Variants in TYW1B observed in about 807,000 individuals in gnomAD.
The protein encoded by TYW1B is S-adenosyl-L-methionine-dependent tRNA 4-demethylwyosine synthase TYW1B.
A neutral mutation model predicts 86.9 loss-of-function variants in TYW1B; 73 were observed. The ratio of observed to expected loss-of-function variants is 0.84; its 90% CI spans 0.70 to 1.02. The LOEUF (loss-of-function observed/expected upper bound fraction) is 1.02. TYW1B is among the 50% of genes least tolerant of loss of function. The pLI is 0.00. For synonymous variants in TYW1B, 248 were observed against 292.8 expected, an observed-to-expected ratio of 0.85 and a Z score of 1.56; for missense variants, 637 against 827.4, an observed-to-expected ratio of 0.77 and a Z score of 2.82.
intron 6 of TYW1B, among the ~76,000 whole-genome samples, chr7:72,783,489 C>T (rs550176318): frequency 3.3e-5 from 5 of 151,566 alleles, no homozygotes; most frequent in African/African-American, 4.8e-5. Context: ...AAAGGAGTCA[C>T]GGTAAAAAAA....
At chr7:72,690,405 A>G (rs1231582923) in intron 11 of TYW1B, among the ~76,000 whole-genome samples, 8 of 152,234 alleles carry the variant, frequency 5.3e-5, no homozygotes, top group Non-Finnish European at 1.0e-4. Context: ...TAGCCCACAT[A>G]CTCAAGTACC....
rs1185129844 is a variant in TYW1B at position 72,815,454 on chromosome 7, C to T, written c.163G>A (p.Val55Ile). ...QGFATVLAEA[V>I]TSLDLPVAII... ...GCCACAGGCAGATCCAGGGACGTAA[C>T]TGCTTCAGCAAGAACTGTTGCAAAT... is the stretch of plus-strand genomic sequence containing the variant. Residue 55 changes from valine to isoleucine, a missense_variant, in exon 3 of 14, where the codon GTT becomes ATT. Coordinates refer to ENST00000620995, the MANE Select transcript of TYW1B (RefSeq NM_001145440.3). 4.3e-6 allele frequency: 7 copies of T among 1,609,850 alleles called. No homozygotes were observed. Among genetic ancestry groups the T allele is most frequent in the Admixed American group, 1.7e-5 (1 of 58,816 alleles).
intron 7 of TYW1B, among the ~76,000 whole-genome samples, chr7:72,764,174 A>G (rs1241940552): frequency 6.6e-6 from 1 of 152,220 alleles, no homozygotes; most frequent in Non-Finnish European, 1.5e-5. Context: ...GATCTTAACC[A>G]TGGCTTTCCT....
intron 13 of TYW1B, among the ~76,000 whole-genome samples, chr7:72,588,816 CTTT>C (rs200351946): frequency 7.0e-6 from 1 of 143,596 alleles, no homozygotes. Context: ...AAGACTTGCA[CTTT>C]TTTTTTTTTT....
At chr7:72,783,259 G>A (rs528277941) in intron 6 of TYW1B, among the ~76,000 whole-genome samples, 5 of 151,764 alleles carry the variant, frequency 3.3e-5, no homozygotes, top group African/African-American at 4.8e-5. Context: ...TTAGCCGGGC[G>A]TGGTGGCATG....
At position 72,616,894 on chromosome 7, in the gene TYW1B, G is replaced by A. The variant is rs1812090912; in HGVS notation, c.1618-55C>T. 6.3e-6 allele frequency: 10 copies of A among 1,597,770 alleles called. No individual in the cohort carries two copies. In the South Asian group the frequency reaches 7.8e-5, roughly 12 times the overall value. On this transcript the variant is annotated intron_variant, in intron 12 of 13. Coordinates refer to ENST00000620995, the MANE Select transcript of TYW1B (RefSeq NM_001145440.3). Reference sequence around the variant, plus strand: ...ACTACAGACCTACCTGCATGTCATAGAAGACTTTCAGAGCCGGAAAGCCTT... The same window carrying A: ...ACTACAGACCTACCTGCATGTCATAAAAGACTTTCAGAGCCGGAAAGCCTT...
chr7:72,739,368 G>A (rs1480826277), intron 8 of TYW1B, among the ~76,000 whole-genome samples: 1 of 152,036 alleles, frequency 6.6e-6, no homozygotes, highest in African/African-American at 2.4e-5. Flanking sequence ...CACTTTGGGA[G>A]GCCAAGGAGG....
chr7:72,709,846 CCCT>C (rs1786603126), intron 10 of TYW1B, among the ~76,000 whole-genome samples: 1 of 152,098 alleles, frequency 6.6e-6, no homozygotes, highest in African/African-American at 2.4e-5. Flanking sequence ...CTTTTTGTCT[CCCT>C]CCTCATTTCC....
chr7:72,586,728 C>T (rs1167756733), intron 13 of TYW1B, among the ~76,000 whole-genome samples: 10 of 150,136 alleles, frequency 6.7e-5, no homozygotes, highest in South Asian at 4.3e-4. Context: ...CAGAGTGAGA[C>T]GCCCATCTCA....
At chr7:72,814,453 G>A (rs1170109711) in intron 3 of TYW1B, among the ~76,000 whole-genome samples, 9 of 151,986 alleles carry the variant, frequency 5.9e-5, no homozygotes, top group South Asian at 2.1e-4. Flanking sequence ...GCGTGGTGGC[G>A]TGTGCCTGTA....
chr7:72,651,938 G>A (rs556006891), intron 11 of TYW1B, among the ~76,000 whole-genome samples: 3 of 152,258 alleles, frequency 2.0e-5, no homozygotes, highest in South Asian at 4.1e-4. Flanking sequence ...TTAATTAAGA[G>A]ATAGGGTCTT....
At chr7:72,712,504 T>C (rs1786689914) in intron 10 of TYW1B, among the ~76,000 whole-genome samples, 1 of 152,124 alleles carries the variant, frequency 6.6e-6, no homozygotes, top group Admixed American at 6.5e-5. Context: ...AATTTTGTAT[T>C]TTTAGTAGAG....
intron 11 of TYW1B, among the ~76,000 whole-genome samples, chr7:72,691,174 T>A (rs1184499006): frequency 6.8e-6 from 1 of 146,146 alleles, no homozygotes; most frequent in African/African-American, 2.6e-5. Flanking sequence ...TCTTATAAGA[T>A]CAGACATTCA....
intron 11 of TYW1B, among the ~76,000 whole-genome samples, chr7:72,640,498 G>T (rs1554441363): frequency 6.6e-6 from 1 of 151,328 alleles, no homozygotes; most frequent in Non-Finnish European, 1.5e-5. Context: ...AAAGAAAAAA[G>T]TTGTACTATG....
At chr7:72,794,426 C>T (rs1272001210) in intron 6 of TYW1B, among the ~76,000 whole-genome samples, 4 of 151,928 alleles carry the variant, frequency 2.6e-5, no homozygotes, top group South Asian at 2.1e-4. Context: ...CGTGGTGGTA[C>T]GCACCTGTAA....
rs543551424 is a variant in TYW1B, at chr7:72,712,661, A to C, written c.1370+960T>G. 8.5e-4 allele frequency among the ~76,000 whole-genome samples: 129 copies of C among 152,168 alleles called. 1 individual carries two copies. Among genetic ancestry groups the C allele is most frequent in the African/African-American group, 2.9e-3 (119 of 41,548 alleles). On this transcript the variant is annotated intron_variant, in intron 10 of 13. Transcript: ENST00000620995. ...TCTTTTTTAAGACTCCCTCATTCAC[A>C]TTGACTTGCTTCCACCCTTATAACT...
chr7:72,818,212 C>T (rs1282755581), intron 2 of TYW1B, among the ~76,000 whole-genome samples: 1 of 151,938 alleles, frequency 6.6e-6, no homozygotes, highest in East Asian at 1.9e-4. Flanking sequence ...CATGCTTGTA[C>T]AGTCTGCAGA....
At chr7:72,785,048 C>G (rs1401797265) in intron 6 of TYW1B, among the ~76,000 whole-genome samples, 6 of 152,038 alleles carry the variant, frequency 3.9e-5, no homozygotes, top group African/African-American at 7.2e-5. Context: ...CATGCCACCC[C>G]TAACACCCCA....
At chr7:72,786,722 G>A (rs550361839) in intron 6 of TYW1B, among the ~76,000 whole-genome samples, 11 of 151,716 alleles carry the variant, frequency 7.3e-5, no homozygotes, top group African/African-American at 2.2e-4. Flanking sequence ...TTATAGGCAC[G>A]CACCATCACG....
Sources: gnomAD v4.1 joint callset for allele counts (sites outside exome capture counted in the v4.1 genomes callset) on GRCh38, gnomAD v4.1.1 for gene constraint, MANE v1.5 for transcripts, NCBI Gene and HGNC (gene_info 2026-07-23, HGNC 2026-07-21) for gene names.